BRD10: variants seen among roughly 807,000 people sequenced by gnomAD.
The protein encoded by BRD10 is bromodomain containing 10, also known as uncharacterized bromodomain-containing protein 10.
At chr9:5,978,436 A>G in the BRD10 span, among the ~76,000 whole-genome samples, 2 of 151,800 alleles carry the variant, frequency 1.3e-5, no homozygotes, top group Non-Finnish European at 2.9e-5. Flanking sequence ...AATAAAATGT[A>G]CACAAATTGA....
chr9:5,918,513 C>G, the BRD10 span, among the ~76,000 whole-genome samples: 13,219 of 152,184 alleles, frequency 0.087, 656 homozygotes, highest in South Asian at 0.15. Context: ...ACCAGGAGTT[C>G]AAGACCAGCC....
chr9:5,908,670 C>T, the BRD10 span: 4 of 1,613,992 alleles, frequency 2.5e-6, no homozygotes, highest in Non-Finnish European at 2.5e-6. Flanking sequence ...TTATGAGAAA[C>T]TCTCTGCAGA....
At chr9:5,957,882 T>C in the BRD10 span, among the ~76,000 whole-genome samples, 6 of 152,276 alleles carry the variant, frequency 3.9e-5, no homozygotes, top group East Asian at 1.9e-4. Context: ...ACAAAATATA[T>C]ACAGGGCAAG....
At chr9:5,881,968 G>T in the BRD10 span, among the ~76,000 whole-genome samples, 3 of 152,206 alleles carry the variant, frequency 2.0e-5, no homozygotes, top group Non-Finnish European at 4.4e-5. Context: ...GGTTGTGTCA[G>T]ACATGAACAG....
chr9:5,928,617 T>A, the BRD10 span, among the ~76,000 whole-genome samples: 2 of 152,150 alleles, frequency 1.3e-5, no homozygotes, highest in African/African-American at 2.4e-5. Flanking sequence ...GTACCTTCTA[T>A]TCCCTCTGCT....
At chr9:5,986,924 C>T in the BRD10 span, among the ~76,000 whole-genome samples, 6 of 152,126 alleles carry the variant, frequency 3.9e-5, no homozygotes, top group Non-Finnish European at 7.4e-5. Flanking sequence ...CTGGACTCAC[C>T]TTTTCAAGCT....
At chr9:6,002,687 CTT>C in the BRD10 span, among the ~76,000 whole-genome samples, 34 of 135,838 alleles carry the variant, frequency 2.5e-4, no homozygotes, top group African/African-American at 3.8e-4. Flanking sequence ...GGATGCTGTA[CTT>C]TTTTTTTTTT....
the BRD10 span, among the ~76,000 whole-genome samples, chr9:5,940,755 A>G: frequency 6.6e-6 from 1 of 152,142 alleles, no homozygotes; most frequent in African/African-American, 2.4e-5. Flanking sequence ...ATCAAAGCAA[A>G]CAGGCGGTTG....
At chr9:5,936,223 G>A in the BRD10 span, among the ~76,000 whole-genome samples, 1 of 152,152 alleles carries the variant, frequency 6.6e-6, no homozygotes, top group Non-Finnish European at 1.5e-5. Context: ...GGCCATGGTA[G>A]TGTGCACCTG....
the BRD10 span, among the ~76,000 whole-genome samples, chr9:5,981,744 G>A: frequency 2.0e-5 from 3 of 152,136 alleles, no homozygotes; most frequent in East Asian, 1.9e-4. Flanking sequence ...ACTTCAAAAC[G>A]TCCATCTCTT....
the BRD10 span, chr9:6,007,444 ACCT>A: frequency 6.2e-7 from 1 of 1,606,850 alleles, no homozygotes; most frequent in African/African-American, 1.3e-5. Context: ...CCCTTCCGCC[ACCT>A]CCTCCTCCGC....
At chr9:5,981,914 T>C in the BRD10 span, among the ~76,000 whole-genome samples, 91 of 152,266 alleles carry the variant, frequency 6.0e-4, 4 homozygotes, top group South Asian at 0.018. Context: ...TAAAAGACCA[T>C]ACTTTGGGTA....
At chr9:5,986,343 T>C in the BRD10 span, among the ~76,000 whole-genome samples, 21 of 152,368 alleles carry the variant, frequency 1.4e-4, no homozygotes, top group Admixed American at 8.5e-4. Context: ...ATGGTCTGTA[T>C]GTACCACATT....
At chr9:5,897,139 G>A in the BRD10 span, among the ~76,000 whole-genome samples, 1,744 of 152,330 alleles carry the variant, frequency 0.011, 27 homozygotes, top group African/African-American at 0.04. Flanking sequence ...CACAGCACCT[G>A]GCTTTTAGTA....
the BRD10 span, chr9:5,929,248 A>G: frequency 4.4e-6 from 3 of 676,554 alleles, no homozygotes; most frequent in East Asian, 8.3e-5. Context: ...AAAAACACCA[A>G]TACTCCATAA....
chr9:5,944,099 A>C, the BRD10 span, among the ~76,000 whole-genome samples: 23 of 152,274 alleles, frequency 1.5e-4, no homozygotes, highest in African/African-American at 5.3e-4. Flanking sequence ...TGGCTTCATG[A>C]TATTCCTAAG....
the BRD10 span, among the ~76,000 whole-genome samples, chr9:5,961,955 G>GA: frequency 1.0e-5 from 1 of 95,896 alleles, no homozygotes; most frequent in Non-Finnish European, 3.0e-5. Context: ...ATTTTTTGAA[G>GA]GGTTTTTTGT....
chr9:5,883,953 G>T, the BRD10 span, among the ~76,000 whole-genome samples: 2 of 152,150 alleles, frequency 1.3e-5, no homozygotes, highest in African/African-American at 2.4e-5. Context: ...CTGAGAGAAA[G>T]AATTATTAGG....
chr9:5,915,079 A>G, the BRD10 span, among the ~76,000 whole-genome samples: 5 of 152,206 alleles, frequency 3.3e-5, no homozygotes, highest in African/African-American at 7.2e-5. Context: ...AGGGGAGGTA[A>G]CACTTTGTTC....
Sources: allele counts gnomAD v4.1 joint callset (sites outside exome capture counted in the v4.1 genomes callset), GRCh38; gene constraint gnomAD v4.1.1; transcripts MANE v1.5; gene names NCBI Gene and HGNC (gene_info 2026-07-23, HGNC 2026-07-21).